QSOX1: variants seen among roughly 807,000 people sequenced by gnomAD.
QSOX1 encodes quiescin sulfhydryl oxidase 1.
Under a neutral mutation model 76.1 loss-of-function variants are expected in QSOX1, and 40 were observed. The ratio of observed to expected loss-of-function variants is 0.53; its 90% CI spans 0.41 to 0.68. The LOEUF (loss-of-function observed/expected upper bound fraction) is 0.68. Among genes scored for constraint, QSOX1 ranks in the 30% least tolerant of loss-of-function variants. The pLI is 0.00. For synonymous variants in QSOX1, 392 were observed against 413.1 expected (o/e 0.95, Z 0.62); for missense variants, 931 against 974.3 (o/e 0.96, Z 0.59).
chr1:180,182,466 G>C (rs532852842), intron 6 of QSOX1, 147 bp downstream of exon 6: 1 of 1,145,760 alleles, frequency 8.7e-7, no homozygotes, highest in Non-Finnish European at 1.3e-6. Flanking sequence ...TGCTGTCTGC[G>C]GGGCCAGCGC....
intron 1 of QSOX1, among the ~76,000 whole-genome samples, chr1:180,162,819 A>G (rs866488091): frequency 2.0e-5 from 3 of 152,236 alleles, no homozygotes; most frequent in Non-Finnish European, 4.4e-5. Context: ...ACAGTCATTC[A>G]TCTAACCAGA....
At chr1:180,194,865 A>G (rs144143314) in intron 11 of QSOX1, among the ~76,000 whole-genome samples, 1 of 152,120 alleles carries the variant, frequency 6.6e-6, no homozygotes, top group Non-Finnish European at 1.5e-5. Context: ...CCTTTTCCTC[A>G]TCAGGAGTCT....
chr1:180,164,553 G>T (rs534514204), intron 1 of QSOX1, among the ~76,000 whole-genome samples: 8 of 152,324 alleles, frequency 5.3e-5, no homozygotes, highest in African/African-American at 1.9e-4. Context: ...CCCCTCCCTT[G>T]TATCAGCCCC....
intron 8 of QSOX1, among the ~76,000 whole-genome samples, chr1:180,187,705 G>T (rs1242462690): frequency 6.6e-6 from 1 of 152,256 alleles, no homozygotes; most frequent in African/African-American, 2.4e-5. Flanking sequence ...TTCAGCAAGG[G>T]CTGGGAATGA....
intron 1 of QSOX1, among the ~76,000 whole-genome samples, chr1:180,164,468 G>A (rs78001202): frequency 0.011 from 1,746 of 152,098 alleles, 31 homozygotes; most frequent in African/African-American, 0.04. Flanking sequence ...AATGCCAAAA[G>A]CAGACTACCA....
chr1:180,177,454 C>T (rs931887887), intron 4 of QSOX1, among the ~76,000 whole-genome samples: 1 of 152,184 alleles, frequency 6.6e-6, no homozygotes, highest in African/African-American at 2.4e-5. Context: ...GGGGTTTCAC[C>T]ATGTTGCCCA....
intron 9 of QSOX1, 122 bp from the exon 10 acceptor site, chr1:180,190,311 C>G: frequency 8.7e-7 from 1 of 1,149,554 alleles, no homozygotes; most frequent in Non-Finnish European, 1.3e-6. Flanking sequence ...GGAAATGCCA[C>G]CTTCGAGGTG....
In QSOX1 at chr1:180,203,095, AAAAAT is replaced by A. The variant is rs1212725896; in HGVS notation, c.*6062_*6066del. 2 of 152,128 alleles carry A rather than the reference AAAAAT, an allele frequency of 1.3e-5. No homozygotes were observed. Among genetic ancestry groups the A allele is most frequent in the Non-Finnish European group, 2.9e-5 (2 of 68,020 alleles). The allele number at this position is 152,128 out of a possible 1,614,324, so 9.4% of individuals were successfully genotyped here. On this transcript the variant is annotated 3_prime_UTR_variant, in exon 12 of 12. Transcript: ENST00000367602. ...CAAAAAAATAAAAAAATAAAAATAA[AAAAAT>A]AAAGTAAAGCTACATATTTAAAAGC... is the stretch of plus-strand genomic sequence containing the variant.
At chr1:180,184,698 A>G (rs1558190396) in intron 7 of QSOX1, among the ~76,000 whole-genome samples, 1 of 152,214 alleles carries the variant, frequency 6.6e-6, no homozygotes, top group Non-Finnish European at 1.5e-5. Context: ...TACCAGCTGC[A>G]TACCAGGTGG....
intron 4 of QSOX1, among the ~76,000 whole-genome samples, chr1:180,176,336 A>C (rs1662891572): frequency 6.6e-6 from 1 of 152,154 alleles, no homozygotes; most frequent in Admixed American, 6.5e-5. Flanking sequence ...TCCAGGTTGT[A>C]CCTGCTGCTG....
In QSOX1 at chr1:180,200,026, C is replaced by G. The variant is rs1340756010; in HGVS notation, c.*2989C>G. The stretch of plus-strand genomic sequence containing the variant: ...TCCAGGGGACCCAGCCAGCCTTGAC[C>G]CTGGAGGAAAGTCAGGTGGGCTCAG... On this transcript the variant is annotated 3_prime_UTR_variant, in exon 12 of 12. Coordinates refer to ENST00000367602, the MANE Select transcript of QSOX1 (RefSeq NM_002826.5). The G allele has an allele frequency of 6.6e-6, 1 of 152,158 alleles. No individual in the cohort carries two copies. Among genetic ancestry groups the G allele is most frequent in the African/African-American group, 2.4e-5 (1 of 41,416 alleles). 9.4% of individuals were successfully genotyped at this position (152,158 alleles called of 1,614,324 possible).
At chr1:180,176,915 G>A (rs900407840) in intron 4 of QSOX1, among the ~76,000 whole-genome samples, 3 of 152,206 alleles carry the variant, frequency 2.0e-5, no homozygotes, top group African/African-American at 7.2e-5. Flanking sequence ...TGGCCCTGCT[G>A]AGAGATTGTG....
intron 11 of QSOX1, among the ~76,000 whole-genome samples, chr1:180,194,664 C>T (rs1663416155): frequency 6.6e-6 from 1 of 152,218 alleles, no homozygotes; most frequent in Non-Finnish European, 1.5e-5. Context: ...CCCTCTCCCG[C>T]CTCCCCTGCT....
chr1:180,190,664 C>T, intron 10 of QSOX1, 84 bp downstream of exon 10: 1 of 1,309,014 alleles, frequency 7.6e-7, no homozygotes, highest in Non-Finnish European at 9.9e-7. Flanking sequence ...AGGGAAGCTC[C>T]CTTGAATTGC....
intron 2 of QSOX1, among the ~76,000 whole-genome samples, chr1:180,169,739 C>T (rs966393068): frequency 2.6e-5 from 4 of 152,218 alleles, no homozygotes; most frequent in Admixed American, 6.5e-5. Context: ...GCAGCCACTG[C>T]GGGCCTACTT....
At chr1:180,167,818 C>G (rs1027744320) in intron 2 of QSOX1, among the ~76,000 whole-genome samples, 4 of 152,216 alleles carry the variant, frequency 2.6e-5, no homozygotes, top group African/African-American at 9.6e-5. Flanking sequence ...AAAGGCCTTC[C>G]TGGCAGGGAC....
At chr1:180,177,557 A>G (rs562307266) in intron 4 of QSOX1, among the ~76,000 whole-genome samples, 2 of 152,304 alleles carry the variant, frequency 1.3e-5, no homozygotes, top group South Asian at 4.1e-4. Context: ...ACCCAGCCCA[A>G]AGCAATCCTT....
intron 8 of QSOX1, among the ~76,000 whole-genome samples, chr1:180,188,772 A>G (rs1169489702): frequency 6.6e-6 from 1 of 152,172 alleles, no homozygotes; most frequent in African/African-American, 2.4e-5. Flanking sequence ...CAGGGTCCTC[A>G]TCCCCTCGGC....
intron 1 of QSOX1, among the ~76,000 whole-genome samples, chr1:180,165,968 C>G (rs1030857156): frequency 6.6e-6 from 1 of 152,204 alleles, no homozygotes; most frequent in Non-Finnish European, 1.5e-5. Flanking sequence ...GACCCAGTTC[C>G]TGATACCCTT....
Sources: gnomAD v4.1 joint callset for allele counts (sites outside exome capture counted in the v4.1 genomes callset) on GRCh38, gnomAD v4.1.1 for gene constraint, MANE v1.5 for transcripts, NCBI Gene and HGNC (gene_info 2026-07-23, HGNC 2026-07-21) for gene names.